TC2N: variants seen among roughly 807,000 people sequenced by gnomAD.
TC2N encodes tandem C2 domains nuclear protein.
TC2N carries 51 observed loss-of-function variants against 61.9 expected under a neutral mutation model. The observed-to-expected ratio is 0.82, with a 90% confidence interval of 0.66 to 1.04. TC2N has a LOEUF of 1.04. TC2N is among the 50% of genes least tolerant of loss of function. The probability of loss-of-function intolerance (pLI) is 0.00; values close to 1 mark genes in which losing one functional copy is unlikely to be tolerated. For missense variants in TC2N, 556 were observed against 566.7 expected (o/e 0.98, Z 0.19); for synonymous variants, 204 against 192.6 (o/e 1.06, Z -0.49).
At chr14:91,822,675 C>T (rs2139880328) in intron 1 of TC2N, among the ~76,000 whole-genome samples, 1 of 149,244 alleles carries the variant, frequency 6.7e-6, no homozygotes, top group South Asian at 2.1e-4. Context: ...CTTGGTGGGG[C>T]AGGAGGAAAC....
rs1885712874 is a variant in TC2N, at chr14:91,792,561, T to C, written c.856-3A>G. 7.9e-7 allele frequency: 1 copy of C among 1,269,306 alleles called. No individual in the cohort carries two copies. The allele number at this position is 1,269,306 out of a possible 1,614,324, so 78.6% of individuals were successfully genotyped here. ...AACGTTTCCATAAATTCAATAGCCT[T>C]AAAAAAAAAACAAGAAAACATAAAA... On this transcript the variant is annotated splice_polypyrimidine_tract_variant and splice_region_variant and intron_variant, in intron 8 of 11. Transcript: ENST00000435962.
chr14:91,847,863 T>C (rs1226131898), intron 1 of TC2N, among the ~76,000 whole-genome samples: 2 of 152,380 alleles, frequency 1.3e-5, no homozygotes, highest in African/African-American at 2.4e-5. Flanking sequence ...TTCAGAGTCA[T>C]TGATTTGCAA....
intron 1 of TC2N, among the ~76,000 whole-genome samples, chr14:91,833,611 C>T (rs1433403232): frequency 6.6e-6 from 1 of 152,098 alleles, no homozygotes; most frequent in African/African-American, 2.4e-5. Flanking sequence ...GGATCCATCC[C>T]TCCTTACTTT....
chr14:91,796,336 T>C (rs1219588387), intron 8 of TC2N, among the ~76,000 whole-genome samples: 1 of 152,050 alleles, frequency 6.6e-6, no homozygotes, highest in African/African-American at 2.4e-5. Flanking sequence ...CATTGTCTTT[T>C]TCATTTATTA....
intron 3 of TC2N, among the ~76,000 whole-genome samples, chr14:91,811,360 G>GTT (rs140029765): frequency 6.7e-6 from 1 of 149,166 alleles, no homozygotes; most frequent in African/African-American, 2.5e-5. Flanking sequence ...TCACTATTAA[G>GTT]TTTTTTTTTT....
At chr14:91,862,245 T>C (rs1172670470) in intron 1 of TC2N, among the ~76,000 whole-genome samples, 2 of 147,820 alleles carry the variant, frequency 1.4e-5, no homozygotes, top group Non-Finnish European at 3.0e-5. Context: ...GATGCTGAGA[T>C]GGTAGGATCG....
chr14:91,835,866 C>A (rs1887974618), intron 1 of TC2N, among the ~76,000 whole-genome samples: 1 of 152,212 alleles, frequency 6.6e-6, no homozygotes, highest in Admixed American at 6.5e-5. Context: ...GACGCGCCGT[C>A]GGAAGCCCGA....
chr14:91,813,985 A>T (rs1363974809), intron 1 of TC2N, among the ~76,000 whole-genome samples, 160 bp from the exon 2 acceptor site: 1 of 151,716 alleles, frequency 6.6e-6, no homozygotes, highest in Non-Finnish European at 1.5e-5. Context: ...GAAATTCTGT[A>T]TAACTTATTT....
intron 11 of TC2N, among the ~76,000 whole-genome samples, chr14:91,783,737 G>A (rs1162856352): frequency 2.6e-5 from 4 of 151,978 alleles, no homozygotes; most frequent in Non-Finnish European, 5.9e-5. Context: ...TACTACATGT[G>A]AATGTATACA....
At chr14:91,857,571 G>A (rs1021249837) in intron 1 of TC2N, among the ~76,000 whole-genome samples, 6 of 152,096 alleles carry the variant, frequency 3.9e-5, no homozygotes, top group African/African-American at 1.2e-4. Context: ...AACTGGAGCC[G>A]GTATTATTAT....
rs553998339 is a variant in TC2N at position 91,865,456 on chromosome 14, G to A, written c.-57+1806C>T. On this transcript the variant is annotated intron_variant, in intron 1 of 11. Transcript: ENST00000435962. ...GATATCAGCCATTTGTTAAGTAACA[G>A]GACTAAGAAATTTGAAAACAAAAAT... Among the ~76,000 whole-genome samples the A allele has an allele frequency of 4.0e-5, 6 of 150,452 alleles. No individual in the cohort carries two copies. The South Asian group carries it at 1.3e-3, about 32-fold the overall frequency.
chr14:91,855,285 G>A (rs1255010952), intron 1 of TC2N, among the ~76,000 whole-genome samples: 2 of 152,134 alleles, frequency 1.3e-5, no homozygotes, highest in Admixed American at 6.5e-5. Context: ...ACCACAAACC[G>A]AGTGGCTTAA....
intron 1 of TC2N, among the ~76,000 whole-genome samples, chr14:91,818,996 T>C (rs190926312): frequency 2.0e-5 from 3 of 152,096 alleles, no homozygotes; most frequent in Admixed American, 2.0e-4. Flanking sequence ...CCAAACTTGA[T>C]AACTACAAAC....
intron 3 of TC2N, among the ~76,000 whole-genome samples, 193 bp from the exon 4 acceptor site, chr14:91,802,614 A>T (rs1018973657): frequency 6.6e-6 from 1 of 152,182 alleles, no homozygotes; most frequent in African/African-American, 2.4e-5. Context: ...TCAGCCATTA[A>T]GCCTGCATTT....
chr14:91,860,233 T>C (rs960343677), intron 1 of TC2N, among the ~76,000 whole-genome samples: 1 of 150,928 alleles, frequency 6.6e-6, no homozygotes, highest in Non-Finnish European at 1.5e-5. Flanking sequence ...CAGCTTCCCA[T>C]AGCAGACAGC....
intron 2 of TC2N, among the ~76,000 whole-genome samples, chr14:91,813,461 T>G (rs1886867698): frequency 6.6e-6 from 1 of 151,738 alleles, no homozygotes. Flanking sequence ...TAAAATCCTA[T>G]TCAGATTTCC....
chr14:91,783,748 T>C (rs1462166632), intron 11 of TC2N, among the ~76,000 whole-genome samples: 3 of 152,114 alleles, frequency 2.0e-5, no homozygotes, highest in Admixed American at 1.3e-4. Context: ...AATGTATACA[T>C]AGTATTATGC....
At position 91,781,153 on chromosome 14, in the gene TC2N, C is replaced by CA. The variant is rs1269690768; in HGVS notation, c.*1946dup. 1 of 151,874 alleles carries CA rather than the reference C, an allele frequency of 6.6e-6. No individual in the cohort carries two copies. Among genetic ancestry groups the CA allele is most frequent in the African/African-American group, 2.4e-5 (1 of 41,364 alleles). 9.4% of individuals were successfully genotyped at this position (151,874 alleles called of 1,614,324 possible). Reference sequence around the variant, plus strand: ...TTGGAAATTCAAAGCATTAATAGAACAGAGAAACCAGCTAAAACAAATTGT... The same window carrying CA: ...TTGGAAATTCAAAGCATTAATAGAACAAGAGAAACCAGCTAAAACAAATTGT... On this transcript the variant is annotated 3_prime_UTR_variant, in exon 12 of 12. Coordinates refer to ENST00000435962, the MANE Select transcript of TC2N (RefSeq NM_001128596.3).
intron 9 of TC2N, among the ~76,000 whole-genome samples, chr14:91,791,711 T>C (rs898075318): frequency 1.3e-4 from 20 of 152,146 alleles, no homozygotes; most frequent in African/African-American, 4.6e-4. Flanking sequence ...GTGGAATTTA[T>C]GATTCTTTCT....
Sources: allele counts gnomAD v4.1 joint callset (sites outside exome capture counted in the v4.1 genomes callset), GRCh38; gene constraint gnomAD v4.1.1; transcripts MANE v1.5; gene names NCBI Gene and HGNC (gene_info 2026-07-23, HGNC 2026-07-21).